The following DENND2B variants were observed in gnomAD, a reference collection of about 807,000 sequenced individuals.
DENND2B encodes DENN domain-containing protein 2B.
DENND2B carries 32 observed loss-of-function variants against 116.0 expected under a neutral mutation model. The ratio of observed to expected loss-of-function variants is 0.28; its 90% CI spans 0.21 to 0.37. The LOEUF is 0.37. Ranked by LOEUF, DENND2B falls within the 10% of genes least tolerant of loss-of-function variation. The probability of loss-of-function intolerance (pLI) is 1.00; values close to 1 mark genes in which losing one functional copy is unlikely to be tolerated. For missense variants in DENND2B, 1,276 were observed against 1,477.7 expected, an observed-to-expected ratio of 0.86 and a Z score of 2.24; for synonymous variants, 588 against 583.9, an observed-to-expected ratio of 1.01 and a Z score of -0.10.
chr11:8,826,510 T>C (rs1445237589), intron 4 of DENND2B, among the ~76,000 whole-genome samples: 1 of 152,206 alleles, frequency 6.6e-6, no homozygotes, highest in Non-Finnish European at 1.5e-5. Context: ...TGCTGGGATA[T>C]AGACATACCA....
chr11:8,868,869 T>C (rs902623299), intron 2 of DENND2B, among the ~76,000 whole-genome samples: 2 of 152,236 alleles, frequency 1.3e-5, no homozygotes, highest in Non-Finnish European at 2.9e-5. Flanking sequence ...TTGAGCTTTA[T>C]AATTCTTAGA....
intron 4 of DENND2B, among the ~76,000 whole-genome samples, chr11:8,820,823 T>C (rs569870391): frequency 1.3e-5 from 2 of 152,144 alleles, no homozygotes; most frequent in African/African-American, 4.8e-5. Context: ...TGTGCAGCCA[T>C]TGTAAGAGAT....
intron 2 of DENND2B, among the ~76,000 whole-genome samples, chr11:8,869,114 T>G (rs2063686049): frequency 6.6e-6 from 1 of 152,198 alleles, no homozygotes; most frequent in Non-Finnish European, 1.5e-5. Flanking sequence ...AGCCAATTGA[T>G]CTGAAATTAT....
intron 4 of DENND2B, among the ~76,000 whole-genome samples, chr11:8,722,281 G>A (rs2046321634): frequency 1.3e-5 from 2 of 152,176 alleles, no homozygotes; most frequent in African/African-American, 4.8e-5. Context: ...TGTTTGTCTT[G>A]GGGCCAACTG....
At chr11:8,744,012 G>A (rs186698899) in intron 2 of DENND2B, among the ~76,000 whole-genome samples, 1 of 152,152 alleles carries the variant, frequency 6.6e-6, no homozygotes, top group East Asian at 1.9e-4. Context: ...GCCTCCCAAA[G>A]TGCTTGCATT....
At chr11:8,909,157 T>C (rs2064276184) in intron 1 of DENND2B, among the ~76,000 whole-genome samples, 1 of 152,042 alleles carries the variant, frequency 6.6e-6, no homozygotes, top group African/African-American at 2.4e-5. Context: ...CTCAAAGAAG[T>C]AATATGTTTG....
chr11:8,838,081 T>A (rs537169159), intron 4 of DENND2B, among the ~76,000 whole-genome samples: 68 of 152,336 alleles, frequency 4.5e-4, no homozygotes, highest in Non-Finnish European at 8.8e-4. Context: ...CATCAGTTTT[T>A]CTTACCACGT....
intron 1 of DENND2B, among the ~76,000 whole-genome samples, chr11:8,770,466 C>T (rs2056661545): frequency 6.6e-6 from 1 of 152,142 alleles, no homozygotes. Flanking sequence ...ATGTAAAGTG[C>T]CTGGAATAGT....
chr11:8,861,870 C>A (rs2063404052), intron 2 of DENND2B, among the ~76,000 whole-genome samples: 1 of 152,038 alleles, frequency 6.6e-6, no homozygotes, highest in Admixed American at 6.5e-5. Context: ...GAAATAATGT[C>A]TTTTGCAGCA....
chr11:8,872,216 G>C (rs1219588085), upstream of DENND2B, among the ~76,000 whole-genome samples: 1 of 152,108 alleles, frequency 6.6e-6, no homozygotes, highest in African/African-American at 2.4e-5. Context: ...GGCCGGGCGC[G>C]GTGGCTCAGG....
At chr11:8,884,606 G>A (rs1440756261) in intron 1 of DENND2B, among the ~76,000 whole-genome samples, 2 of 152,168 alleles carry the variant, frequency 1.3e-5, no homozygotes. Flanking sequence ...GATGGTTACA[G>A]GACCAGGCAG....
chr11:8,891,922 A>C (rs2064038816), intron 1 of DENND2B, among the ~76,000 whole-genome samples: 1 of 152,216 alleles, frequency 6.6e-6, no homozygotes, highest in African/African-American at 2.4e-5. Context: ...CTCCACCCCA[A>C]ATCAACAGAA....
chr11:8,714,805 AGCTTTCT>A, intron 6 of DENND2B, 99 bp from the exon 7 acceptor site: 1 of 1,025,856 alleles, frequency 9.7e-7, no homozygotes, highest in Non-Finnish European at 1.5e-6. Context: ...TAATGGTACA[AGCTTTCT>A]GCATTGCACC....
rs549250135 is a variant in DENND2B, at chr11:8,892,625, G to A, written c.-255-11516C>T. ...CAGAGAATACTATAAACACCTCTAC[G>A]CAAATAAACTAGAAAATCTAGAAGA... On this transcript the variant is annotated intron_variant, in intron 1 of 22. Coordinates refer to the DENND2B transcript ENST00000534127. Among the ~76,000 whole-genome samples, 30 of 152,238 alleles carry A rather than the reference G, an allele frequency of 2.0e-4. No homozygotes were observed. The East Asian group carries it at 4.2e-3, about 22-fold the overall frequency.
intron 3 of DENND2B, among the ~76,000 whole-genome samples, chr11:8,843,243 G>C (rs910848082): frequency 2.0e-5 from 3 of 152,016 alleles, no homozygotes; most frequent in African/African-American, 7.2e-5. Context: ...CCTGACCTCA[G>C]GTGATTCGCC....
intron 1 of DENND2B, among the ~76,000 whole-genome samples, chr11:8,758,702 G>A (rs2054041083): frequency 1.3e-5 from 2 of 152,220 alleles, no homozygotes; most frequent in African/African-American, 4.8e-5. Context: ...TATGACAACA[G>A]TGGGCCAGAG....
chr11:8,696,698 G>C (rs765025927), intron 17 of DENND2B, 32 bp from the exon 18 acceptor site: 1 of 1,607,578 alleles, frequency 6.2e-7, no homozygotes, highest in Non-Finnish European at 8.5e-7. Flanking sequence ...TTGAGGTTCA[G>C]GTCAAGAGCC....
chr11:8,815,017 T>G (rs935664629), upstream of DENND2B, among the ~76,000 whole-genome samples: 2 of 152,180 alleles, frequency 1.3e-5, no homozygotes, highest in African/African-American at 4.8e-5. Context: ...AAGGTCACTC[T>G]CCTGGGGCTG....
upstream of DENND2B, among the ~76,000 whole-genome samples, chr11:8,875,669 TCCTCCCACTTCAG>T (rs2063833851): frequency 2.6e-5 from 4 of 152,100 alleles, no homozygotes; most frequent in South Asian, 8.3e-4. Flanking sequence ...CTTCAAGTGA[TCCTCCCACTTCAG>T]CCTCCCAAAG....
Sources: allele counts gnomAD v4.1 joint callset (sites outside exome capture counted in the v4.1 genomes callset), GRCh38; gene constraint gnomAD v4.1.1; transcripts MANE v1.5; gene names NCBI Gene and HGNC (gene_info 2026-07-23, HGNC 2026-07-21).